The following NUP160 variants were observed in gnomAD, a reference collection of about 807,000 sequenced individuals.
NUP160 encodes the protein nucleoporin 160, also known as nuclear pore complex protein Nup160.
Under a neutral mutation model 196.9 loss-of-function variants are expected in NUP160, and 94 were observed. The ratio of observed to expected loss-of-function variants is 0.48; its 90% CI spans 0.40 to 0.57. The LOEUF is 0.57. Among genes scored for constraint, NUP160 ranks in the 20% least tolerant of loss-of-function variants. The pLI, the probability that NUP160 is intolerant of heterozygous loss-of-function variation, is 0.00. For synonymous variants in NUP160, 605 were observed against 619.7 expected (o/e 0.98, Z 0.35); for missense variants, 1,638 against 1,748.3 (o/e 0.94, Z 1.13).
At chr11:47,840,643 C>T in intron 2 of NUP160, 55 bp from the exon 3 acceptor site, 1 of 1,367,434 alleles carries the variant, frequency 7.3e-7, no homozygotes. Flanking sequence ...ACTGACTGTT[C>T]TACTGAAATA....
chr11:47,801,713 G>A lies in NUP160; in HGVS notation c.2895+98C>T, dbSNP rs545078687. On this transcript the variant is annotated intron_variant, in intron 23 of 35. Coordinates refer to ENST00000378460, the Ensembl canonical transcript of NUP160. ...AAATTTGGAAGTTCAGGGAGCAACT[G>A]AATTTTTATAGTATTTTTCTCCAAA... 2.2e-3 allele frequency: 2,619 copies of A among 1,183,200 alleles called. 4 individuals carry two copies. Among genetic ancestry groups the A allele is most frequent in the Middle Eastern group, 8.7e-3 (43 of 4,954 alleles). 73.3% of individuals were successfully genotyped at this position (1,183,200 alleles called of 1,614,324 possible). A position where few individuals can be genotyped will look rare whatever the true frequency, so the allele number is the denominator to read the frequency against.
At chr11:47,827,101 T>G (rs1851983485) in intron 7 of NUP160, 1 of 455,936 alleles carries the variant, frequency 2.2e-6, no homozygotes, top group Non-Finnish European at 4.4e-6. Context: ...GTGCTGTGGT[T>G]CACACTTGTA....
exon 20 of NUP160, chr11:47,806,172 T>C (rs753258869): frequency 6.2e-7 from 1 of 1,614,068 alleles, no homozygotes. Context: ...AATAAATAAC[T>C]GGTAATTGCA....
intron 20 of NUP160, among the ~76,000 whole-genome samples, chr11:47,805,410 C>T (rs986240997): frequency 2.0e-5 from 3 of 150,978 alleles, no homozygotes; most frequent in African/African-American, 4.9e-5. Flanking sequence ...GGATTATAGG[C>T]ATGAGCCATT....
intron 23 of NUP160, 135 bp from the exon 24 acceptor site, chr11:47,798,598 G>A: frequency 1.6e-6 from 1 of 607,474 alleles, no homozygotes; most frequent in South Asian, 2.1e-5. Flanking sequence ...AGTACTCTGG[G>A]AGGCTGAAGC....
At chr11:47,833,791 T>G in intron 7 of NUP160, among the ~76,000 whole-genome samples, 1 of 145,176 alleles carries the variant, frequency 6.9e-6, no homozygotes, top group East Asian at 2.1e-4. Context: ...GTGGGCACTG[T>G]GCCTCTAGCA....
At chr11:47,837,547 G>C in exon 5 of NUP160, 1 of 1,613,546 alleles carries the variant, frequency 6.2e-7, no homozygotes, top group Non-Finnish European at 8.5e-7. Flanking sequence ...CCACTCACCT[G>C]ATAGCTGTTG....
chr11:47,847,504 C>T (rs558032501), intron 2 of NUP160, among the ~76,000 whole-genome samples: 3 of 152,004 alleles, frequency 2.0e-5, no homozygotes, highest in Non-Finnish European at 4.4e-5. Flanking sequence ...TATTGAAGCT[C>T]GAACGTATTT....
chr11:47,784,053 C>CA (rs1278594883), intron 33 of NUP160, among the ~76,000 whole-genome samples: 165 of 150,698 alleles, frequency 1.1e-3, no homozygotes, highest in African/African-American at 3.6e-3. Context: ...CAAAACAAAA[C>CA]AAAAAAAACC....
rs577489982 is a variant in NUP160 at position 47,814,284 on chromosome 11, T to C, written c.1687-869A>G. 5.3e-5 allele frequency among the ~76,000 whole-genome samples: 8 copies of C among 152,218 alleles called. No homozygotes were observed. The Middle Eastern group carries it at 0.014, about 259-fold the overall frequency. ...CAATAACTAAATACATATATTAGAT[T>C]GGATCCTGGACTTTGGGAGGCCAAG... On this transcript the variant is annotated intron_variant, in intron 13 of 35. Coordinates refer to ENST00000378460, the Ensembl canonical transcript of NUP160.
At chr11:47,812,190 C>G (rs751430391) in exon 17 of NUP160, 3 of 1,614,112 alleles carry the variant, frequency 1.9e-6, no homozygotes, top group Non-Finnish European at 2.5e-6. Context: ...TACCATAGAG[C>G]TGGGTAAGAT....
exon 22 of NUP160, chr11:47,803,478 A>G (rs2097675589): frequency 1.2e-6 from 2 of 1,612,604 alleles, no homozygotes; most frequent in Non-Finnish European, 1.7e-6. Context: ...CCTTCCCAGC[A>G]TAAATCGACA....
chr11:47,820,699 A>G (rs1851839781), intron 9 of NUP160, among the ~76,000 whole-genome samples: 1 of 151,954 alleles, frequency 6.6e-6, no homozygotes, highest in Non-Finnish European at 1.5e-5. Context: ...TTACAGGCAC[A>G]TACCACCACG....
chr11:47,840,638 C>G (rs1599349959), intron 2 of NUP160, 50 bp from the exon 3 acceptor site: 1 of 1,379,032 alleles, frequency 7.3e-7, no homozygotes, highest in Middle Eastern at 1.9e-4. Context: ...TTCTCACTGA[C>G]TGTTCTACTG....
At chr11:47,783,414 T>C (rs1418627703) in intron 33 of NUP160, among the ~76,000 whole-genome samples, 2 of 152,202 alleles carry the variant, frequency 1.3e-5, no homozygotes, top group African/African-American at 2.4e-5. Context: ...CCGTTACCTC[T>C]AGGCAGTTTG....
chr11:47,801,640 G>A (rs189111136), intron 23 of NUP160, among the ~76,000 whole-genome samples, 171 bp downstream of exon 23: 1 of 152,218 alleles, frequency 6.6e-6, no homozygotes, highest in African/African-American at 2.4e-5. Flanking sequence ...ATGAGCCACC[G>A]TGCCCGGCCA....
exon 13 of NUP160, chr11:47,815,541 G>A (rs770457165): frequency 1.9e-6 from 3 of 1,612,006 alleles, no homozygotes; most frequent in Non-Finnish European, 2.5e-6. Context: ...GGGTGAGAGA[G>A]GGCTTCTTGA....
chr11:47,810,716 TTTTTG>T (rs1437883796), intron 17 of NUP160, among the ~76,000 whole-genome samples: 3 of 151,810 alleles, frequency 2.0e-5, no homozygotes, highest in Admixed American at 6.6e-5. Flanking sequence ...CCCGCTAACT[TTTTTG>T]TTTTAATAGA....
chr11:47,790,352 C>T (rs948917893), intron 29 of NUP160, among the ~76,000 whole-genome samples: 5 of 151,862 alleles, frequency 3.3e-5, no homozygotes, highest in Admixed American at 6.6e-5. Context: ...CTCAGCCTCC[C>T]GAGTTCAAGC....
Sources: gnomAD v4.1 joint callset for allele counts (sites outside exome capture counted in the v4.1 genomes callset) on GRCh38, gnomAD v4.1.1 for gene constraint, MANE v1.5 for transcripts, NCBI Gene and HGNC (gene_info 2026-07-23, HGNC 2026-07-21) for gene names.